The following SUGCT variants were observed in gnomAD, a reference collection of about 807,000 sequenced individuals.
SUGCT encodes the protein succinyl-CoA:glutarate-CoA transferase.
In SUGCT, 41 loss-of-function variants were observed where a neutral mutation model predicts 55.0. The ratio of observed to expected loss-of-function variants is 0.74; its 90% confidence interval spans 0.58 to 0.97. The LOEUF (loss-of-function observed/expected upper bound fraction) is 0.97. Ranked by LOEUF, SUGCT falls within the 50% of genes least tolerant of loss-of-function variation. SUGCT has a pLI of 0.00. For synonymous variants in SUGCT, 187 were observed against 200.4 expected (o/e 0.93, Z 0.56); for missense variants, 568 against 547.8 (o/e 1.04, Z -0.37).
chr7:40,716,930 A>T (rs1012348623), intron 12 of SUGCT, among the ~76,000 whole-genome samples: 2 of 152,160 alleles, frequency 1.3e-5, no homozygotes, highest in Admixed American at 1.3e-4. Flanking sequence ...GATTTTAAAG[A>T]TGTTAAAATG....
chr7:40,436,759 A>AT lies in SUGCT; in HGVS notation c.817-12528_817-12527insT, dbSNP rs563790927. Among the ~76,000 whole-genome samples the AT allele has an allele frequency of 2.0e-5, 3 of 152,338 alleles. No homozygotes were observed. The South Asian group carries it at 6.2e-4, about 32-fold the overall frequency. Reference sequence around the variant, plus strand: ...TACCTTGGGTTGTTCCTGAAAAATCAATATGGTCCCTTGTCTAGCATTTTT... The same window carrying AT: ...TACCTTGGGTTGTTCCTGAAAAATCATATATGGTCCCTTGTCTAGCATTTTT... On this transcript the variant is annotated intron_variant, in intron 9 of 13. Coordinates refer to ENST00000335693, the MANE Select transcript of SUGCT (RefSeq NM_001193313.2).
chr7:40,268,604 T>C (rs562705524), intron 7 of SUGCT, among the ~76,000 whole-genome samples: 1 of 152,338 alleles, frequency 6.6e-6, no homozygotes, highest in Admixed American at 6.5e-5. Context: ...TATAAAAATT[T>C]GTGTCTAAGC....
the SUGCT span, among the ~76,000 whole-genome samples, chr7:40,974,739 T>C: frequency 6.6e-6 from 1 of 152,182 alleles, no homozygotes; most frequent in Non-Finnish European, 1.5e-5. Context: ...CCCTCACTGA[T>C]TGGTACCAAA....
the SUGCT span, among the ~76,000 whole-genome samples, chr7:40,898,480 CGGGGGGGGGG>C: frequency 3.8e-3 from 22 of 5,720 alleles, 5 homozygotes; most frequent in Admixed American, 0.012. Context: ...TCCGGGAGGT[CGGGGGGGGGG>C]GGGGGGGTGG....
chr7:40,376,013 TA>T (rs1015023798), intron 9 of SUGCT, among the ~76,000 whole-genome samples: 1 of 152,240 alleles, frequency 6.6e-6, no homozygotes, highest in African/African-American at 2.4e-5. Flanking sequence ...ATGTGTGTTA[TA>T]ACAGAAATTC....
At chr7:40,815,317 T>C (rs1421467157) in intron 13 of SUGCT, among the ~76,000 whole-genome samples, 1 of 152,226 alleles carries the variant, frequency 6.6e-6, no homozygotes, top group African/African-American at 2.4e-5. Context: ...GGCATGGTGC[T>C]GGGAAACCTC....
rs989115501 is a variant in SUGCT at position 40,522,689 on chromosome 7, T to G, written c.1089+26303T>G. 7.9e-5 allele frequency among the ~76,000 whole-genome samples: 12 copies of G among 152,226 alleles called. 1 individual carries two copies. The South Asian group carries it at 2.3e-3, about 29-fold the overall frequency. The stretch of plus-strand genomic sequence containing the variant: ...TTAGATTTTCCATCCAGGCAGTAGC[T>G]AGACTGAGTTCTTCTTTTTCCTCTT... On this transcript the variant is annotated intron_variant, in intron 12 of 13. Coordinates refer to ENST00000335693, the MANE Select transcript of SUGCT (RefSeq NM_001193313.2).
intron 1 of SUGCT, among the ~76,000 whole-genome samples, chr7:40,146,081 CAGTA>C (rs1225511233): frequency 6.6e-6 from 1 of 150,558 alleles, no homozygotes; most frequent in African/African-American, 2.4e-5. Context: ...GTTCTTGAGT[CAGTA>C]AGTTACCTTT....
chr7:40,184,166 A>G (rs1785368310), intron 3 of SUGCT, among the ~76,000 whole-genome samples: 2 of 151,944 alleles, frequency 1.3e-5, no homozygotes, highest in Non-Finnish European at 2.9e-5. Flanking sequence ...CAAGAGCCAC[A>G]CTCCATCTCA....
At chr7:40,399,473 T>C (rs1306791056) in intron 9 of SUGCT, among the ~76,000 whole-genome samples, 1 of 152,188 alleles carries the variant, frequency 6.6e-6, no homozygotes, top group African/African-American at 2.4e-5. Flanking sequence ...GCTTGATTCA[T>C]GGTTCAATGT....
intron 9 of SUGCT, among the ~76,000 whole-genome samples, chr7:40,411,173 A>G (rs377036178): frequency 2.8e-4 from 43 of 152,236 alleles, no homozygotes; most frequent in African/African-American, 1.0e-3. Context: ...TGGGAGGATC[A>G]CTTGAGGTCA....
chr7:40,209,750 C>T (rs894945365), intron 6 of SUGCT, among the ~76,000 whole-genome samples: 1 of 152,080 alleles, frequency 6.6e-6, no homozygotes, highest in South Asian at 2.1e-4. Context: ...GAGCCGAGAT[C>T]GTGCCACTGC....
At chr7:40,157,716 G>T (rs1240244554) in intron 1 of SUGCT, among the ~76,000 whole-genome samples, 1 of 152,138 alleles carries the variant, frequency 6.6e-6, no homozygotes, top group Non-Finnish European at 1.5e-5. Flanking sequence ...GCTGTTTCAT[G>T]TTAAAGGCTA....
chr7:40,182,867 T>C (rs1785295324), intron 3 of SUGCT, among the ~76,000 whole-genome samples: 1 of 152,104 alleles, frequency 6.6e-6, no homozygotes, highest in Admixed American at 6.6e-5. Context: ...ACAATGGGCC[T>C]GGCCACCCTC....
chr7:40,334,673 T>C (rs549020839), intron 9 of SUGCT, among the ~76,000 whole-genome samples: 9 of 152,350 alleles, frequency 5.9e-5, no homozygotes, highest in African/African-American at 2.2e-4. Context: ...GATGAGTAGA[T>C]TGCAAAAATT....
chr7:40,992,272 A>G, the SUGCT span, among the ~76,000 whole-genome samples: 1 of 152,146 alleles, frequency 6.6e-6, no homozygotes, highest in Non-Finnish European at 1.5e-5. Context: ...CTGTCATGAC[A>G]CTGGCGGGAG....
intron 7 of SUGCT, among the ~76,000 whole-genome samples, chr7:40,264,118 G>A (rs1441391584): frequency 6.6e-6 from 1 of 152,116 alleles, no homozygotes; most frequent in African/African-American, 2.4e-5. Context: ...TTAGGGCTCT[G>A]TTTGTCAGTA....
the SUGCT span, among the ~76,000 whole-genome samples, chr7:40,948,014 C>A: frequency 1.4e-4 from 22 of 152,118 alleles, no homozygotes; most frequent in African/African-American, 5.1e-4. Context: ...CCTCTATTGA[C>A]AATTTGATTA....
At chr7:41,031,066 A>G in the SUGCT span, among the ~76,000 whole-genome samples, 1 of 152,132 alleles carries the variant, frequency 6.6e-6, no homozygotes, top group African/African-American at 2.4e-5. Flanking sequence ...GGCTCAAGTG[A>G]TCTTCCCACT....
Sources: allele counts gnomAD v4.1 joint callset (sites outside exome capture counted in the v4.1 genomes callset), GRCh38; gene constraint gnomAD v4.1.1; transcripts MANE v1.5; gene names NCBI Gene and HGNC (gene_info 2026-07-23, HGNC 2026-07-21).